Variants in FATE1 observed in about 807,000 individuals in gnomAD.
The protein encoded by FATE1 is fetal and adult testis-expressed transcript protein.
A neutral mutation model predicts 16.0 loss-of-function variants in FATE1; 18 were observed. That is an observed-to-expected ratio of 1.12 (90% CI 0.78 to 1.66). FATE1 has a LOEUF of 1.66. Ranked by LOEUF, FATE1 falls within the 40% of genes most tolerant of loss-of-function variation. The probability of loss-of-function intolerance (pLI) is 0.00; values close to 1 mark genes in which losing one functional copy is unlikely to be tolerated. For missense variants in FATE1, 169 were observed against 152.7 expected (o/e 1.11, Z -0.56); for synonymous variants, 76 against 56.9 (o/e 1.34, Z -1.51).
At position 151,721,955 on chromosome X, in the gene FATE1, C is replaced by T; in HGVS notation, c.394C>T (p.Leu132=). 8.3e-7 allele frequency: 1 copy of T among 1,210,894 alleles called. No individual in the cohort carries two copies. Among genetic ancestry groups the T allele is most frequent in the Non-Finnish European group, 1.1e-6 (1 of 895,180 alleles). The change falls in exon 4 of 5, where the codon CTG becomes TTG. Residue 132 remains leucine, a synonymous_variant. Coordinates refer to ENST00000370350, the MANE Select transcript of FATE1 (RefSeq NM_033085.3). The part of the protein sequence containing the change: ...AQTSLEEFNV[L]EMEVMRRQLY... ...GACTAGCCTGGAAGAGTTCAATGTA[C>T]TGGAGATGGAAGTCATGAGAAGACA...
rs1349119307 is a variant in FATE1, at chrX:151,722,788, C to T, written c.*29C>T. 3.4e-6 allele frequency: 4 copies of T among 1,181,581 alleles called. No individual in the cohort carries two copies. Among genetic ancestry groups the T allele is most frequent in the Non-Finnish European group, 3.4e-6 (3 of 879,906 alleles). ...CCCCAGCGCGGCCTCCGTATTGGAG[C>T]CCTCCCTGCTTCCCCTTCTTTCTTT... is the stretch of plus-strand genomic sequence containing the variant. On this transcript the variant is annotated 3_prime_UTR_variant, in exon 5 of 5. Coordinates refer to ENST00000370350, the MANE Select transcript of FATE1 (RefSeq NM_033085.3).
chrX:151,719,205 A>C (rs2015093250), intron 2 of FATE1, among the ~76,000 whole-genome samples: 1 of 112,342 alleles, frequency 8.9e-6, no homozygotes, highest in South Asian at 3.7e-4. Flanking sequence ...AATTCTATTT[A>C]TTTATTAATT....
At chrX:151,721,672 C>T (rs181472400) in intron 3 of FATE1, among the ~76,000 whole-genome samples, 171 bp downstream of exon 3, 133 of 112,135 alleles carry the variant, frequency 1.2e-3, no homozygotes, top group African/African-American at 4.0e-3. Context: ...CAGTGCTCTG[C>T]GGCCTAGCCG....
chrX:151,720,054 C>T (rs950363346), intron 2 of FATE1, among the ~76,000 whole-genome samples: 1 of 111,872 alleles, frequency 8.9e-6, no homozygotes, highest in Non-Finnish European at 1.9e-5. Context: ...TCACTTTCAC[C>T]CCAGCTTTCT....
chrX:151,721,818 C>T (rs1178517140), intron 3 of FATE1, 85 bp from the exon 4 acceptor site: 13 of 848,808 alleles, frequency 1.5e-5, no homozygotes, highest in Non-Finnish European at 2.3e-5. Context: ...AGATCACGAC[C>T]TTACCTGCTT....
At position 151,717,299 on chromosome X, in the gene FATE1, G is replaced by C; in HGVS notation, c.134G>C (p.Arg45Pro). 8.3e-7 allele frequency: 1 copy of C among 1,206,818 alleles called. No individual in the cohort carries two copies. Among genetic ancestry groups the C allele is most frequent in the South Asian group, 1.8e-5 (1 of 56,822 alleles). ...ATGATGGAGCTTGGATCTCGGTCCC[G>C]GGGTGCCTCCCAGAAGAAGCAGAAG... ...AEMMELGSRS[R>P]GASQKKQKLE... is the part of the protein sequence containing the mutation. Residue 45 changes from arginine to proline, a missense_variant, in exon 2 of 5, where the codon CGG (arginine) becomes CCG (proline). Arg to Pro is a moderately radical substitution (Grantham distance 103, BLOSUM62 -2). Transcript: ENST00000370350.
Position 151,722,669 on chromosome X carries a change from G to GGGCGCCACCT in FATE1, c.471_480dup (p.Arg161LeufsTer101). On this transcript the variant is annotated frameshift_variant, in exon 5 of 5. Coordinates refer to ENST00000370350, the MANE Select transcript of FATE1 (RefSeq NM_033085.3). LOFTEE classifies it high-confidence loss of function. ...GGCGTCTGCGCGCCCTGGAGGAACA[G>GGGCGCCACCT]GGCGCCACCTGGCGCCACAGGGAGA... 1 of 1,212,105 alleles carries GGGCGCCACCT rather than the reference G, an allele frequency of 8.3e-7. No homozygotes were observed. Among genetic ancestry groups the GGGCGCCACCT allele is most frequent in the Non-Finnish European group, 1.1e-6 (1 of 895,336 alleles).
intron 1 of FATE1, 58 bp downstream of exon 1, chrX:151,716,283 A>G (rs2015059075): frequency 1.3e-5 from 13 of 968,506 alleles, no homozygotes; most frequent in Non-Finnish European, 1.8e-5. Flanking sequence ...ACGTGTCTAT[A>G]CCTGTGCATG....
chrX:151,717,051 G>C (rs1430722362), intron 1 of FATE1, among the ~76,000 whole-genome samples: 1 of 111,730 alleles, frequency 9.0e-6, no homozygotes, highest in Non-Finnish European at 1.9e-5. Flanking sequence ...GGTTACTGGA[G>C]AGTAACCTAG....
intron 1 of FATE1, among the ~76,000 whole-genome samples, chrX:151,716,497 T>C (rs774322312): frequency 1.8e-5 from 2 of 111,451 alleles, no homozygotes; most frequent in Admixed American, 1.9e-4. Flanking sequence ...ACAGTCTCTG[T>C]TGCAAAATAC....
intron 2 of FATE1, among the ~76,000 whole-genome samples, chrX:151,719,952 A>G (rs911007504): frequency 3.1e-4 from 35 of 112,116 alleles, no homozygotes; most frequent in African/African-American, 1.1e-3. Context: ...CTCAAATGAC[A>G]GGCTCTACTT....
intron 2 of FATE1, among the ~76,000 whole-genome samples, chrX:151,719,144 T>C (rs1365308241): frequency 2.7e-5 from 3 of 111,979 alleles, no homozygotes; most frequent in African/African-American, 9.7e-5. Context: ...GACATTATAT[T>C]GAATTTATAA....
chrX:151,718,110 GAGGAAGGA>G (rs199990618), intron 2 of FATE1, among the ~76,000 whole-genome samples: 6,652 of 55,421 alleles, frequency 0.12, 462 homozygotes, highest in Non-Finnish European at 0.14. Context: ...AAGAGAGAGA[GAGGAAGGA>G]AGGAAGGAAG....
chrX:151,716,291 A>ATG, intron 1 of FATE1, 66 bp downstream of exon 1: 2 of 933,733 alleles, frequency 2.1e-6, no homozygotes, highest in Non-Finnish European at 3.0e-6. Context: ...ATACCTGTGC[A>ATG]TGTGTGTGTT....
chrX:151,719,099 C>T (rs1199728704), intron 2 of FATE1, among the ~76,000 whole-genome samples: 2 of 111,756 alleles, frequency 1.8e-5, no homozygotes, highest in Non-Finnish European at 3.8e-5. Flanking sequence ...TTAAAGTTGA[C>T]TACAAGGGCT....
chrX:151,717,292 C>G lies in FATE1; in HGVS notation c.127C>G (p.Arg43Gly). 1 of 1,206,777 alleles carries G rather than the reference C, an allele frequency of 8.3e-7. No homozygotes were observed. Among genetic ancestry groups the G allele is most frequent in the East Asian group, 3.0e-5 (1 of 33,566 alleles). Residue 43 changes from arginine to glycine, a missense_variant, in exon 2 of 5, where the codon CGG becomes GGG. Coordinates refer to ENST00000370350, the MANE Select transcript of FATE1 (RefSeq NM_033085.3). ...VIAEMMELGS[R>G]SRGASQKKQK... Reference sequence around the variant, plus strand: ...TCTAGAAATGATGGAGCTTGGATCTCGGTCCCGGGGTGCCTCCCAGAAGAA... The same window carrying G: ...TCTAGAAATGATGGAGCTTGGATCTGGGTCCCGGGGTGCCTCCCAGAAGAA...
chrX:151,721,231 T>C (rs1302815221), intron 2 of FATE1, among the ~76,000 whole-genome samples, 164 bp from the exon 3 acceptor site: 1 of 111,916 alleles, frequency 8.9e-6, no homozygotes, highest in Non-Finnish European at 1.9e-5. Flanking sequence ...GCAGCCTGTG[T>C]GGGGTTCCCA....
At chrX:151,720,053 C>T (rs1187944591) in intron 2 of FATE1, among the ~76,000 whole-genome samples, 3 of 111,917 alleles carry the variant, frequency 2.7e-5, no homozygotes, top group African/African-American at 9.8e-5. Context: ...GTCACTTTCA[C>T]CCCAGCTTTC....
In FATE1 at chrX:151,722,971, C is replaced by T. The variant is rs762922963; in HGVS notation, c.*212C>T. On this transcript the variant is annotated 3_prime_UTR_variant, in exon 5 of 5. Transcript: ENST00000370350. ...CTGCTGCGAAGCTGGAGGAGGACTGCGTGGGCTGAGATGCCACCCTTTGAA... is the reference window on the plus strand; with the variant it reads ...CTGCTGCGAAGCTGGAGGAGGACTGTGTGGGCTGAGATGCCACCCTTTGAA... 18 of 426,443 alleles carry T rather than the reference C, an allele frequency of 4.2e-5. No homozygotes were observed. Among genetic ancestry groups the T allele is most frequent in the Middle Eastern group, 6.9e-4 (1 of 1,453 alleles). 35.1% of individuals were successfully genotyped at this position (426,443 alleles called of 1,213,427 possible). A position where few individuals can be genotyped will look rare whatever the true frequency, so the allele number is the denominator to read the frequency against.
Sources: allele counts gnomAD v4.1 joint callset (sites outside exome capture counted in the v4.1 genomes callset), GRCh38; gene constraint gnomAD v4.1.1; transcripts MANE v1.5; gene names NCBI Gene and HGNC (gene_info 2026-07-23, HGNC 2026-07-21).